Variants in CNTNAP2 observed in about 807,000 individuals in gnomAD.
CNTNAP2 encodes contactin associated protein 2.
CNTNAP2 carries 98 observed loss-of-function variants against 155.2 expected under a neutral mutation model. That is an observed-to-expected ratio of 0.63 (90% confidence interval 0.54 to 0.75). CNTNAP2 has a LOEUF of 0.75. CNTNAP2 is among the 30% of genes least tolerant of loss of function. The probability of loss-of-function intolerance (pLI) is 0.00; values close to 1 mark genes in which losing one functional copy is unlikely to be tolerated. For synonymous variants in CNTNAP2, 651 were observed against 631.2 expected (o/e 1.03, Z -0.47); for missense variants, 1,727 against 1,688.1 (o/e 1.02, Z -0.40).
At chr7:146,442,848 A>C (rs1796339764) in intron 1 of CNTNAP2, among the ~76,000 whole-genome samples, 1 of 152,142 alleles carries the variant, frequency 6.6e-6, no homozygotes, top group African/African-American at 2.4e-5. Flanking sequence ...TGCAGATTTC[A>C]CAGTATTTCC....
At chr7:146,940,487 C>T (rs1797029457) in intron 3 of CNTNAP2, among the ~76,000 whole-genome samples, 1 of 152,022 alleles carries the variant, frequency 6.6e-6, no homozygotes, top group Admixed American at 6.6e-5. Context: ...GCCACCGCAC[C>T]CAGCCCCTTA....
chr7:146,495,165 C>G (rs183031711), intron 1 of CNTNAP2, among the ~76,000 whole-genome samples: 3 of 152,324 alleles, frequency 2.0e-5, no homozygotes, highest in Admixed American at 2.0e-4. Flanking sequence ...GTCAGCTCCT[C>G]TGGGACCCTA....
At chr7:147,990,595 G>C (rs1234276330) in intron 15 of CNTNAP2, among the ~76,000 whole-genome samples, 5 of 152,128 alleles carry the variant, frequency 3.3e-5, no homozygotes, top group African/African-American at 1.2e-4. Context: ...CTTGGGGTTG[G>C]AATGTTTCTG....
At chr7:147,158,840 G>T (rs1052781459) in intron 8 of CNTNAP2, among the ~76,000 whole-genome samples, 2 of 152,010 alleles carry the variant, frequency 1.3e-5, no homozygotes, top group Non-Finnish European at 2.9e-5. Context: ...AATAAAACAG[G>T]CTCCCTGAGC....
intron 13 of CNTNAP2, among the ~76,000 whole-genome samples, chr7:147,894,391 T>C (rs1461575995): frequency 2.6e-5 from 4 of 152,142 alleles, no homozygotes; most frequent in Non-Finnish European, 5.9e-5. Context: ...AATCCTGCAC[T>C]GCAAGGGCCT....
chr7:147,294,722 G>A (rs530516813), intron 8 of CNTNAP2, among the ~76,000 whole-genome samples: 33 of 151,884 alleles, frequency 2.2e-4, no homozygotes, highest in Admixed American at 1.1e-3. Flanking sequence ...GCAGTGACAC[G>A]ATCTCAGCTT....
chr7:147,924,610 C>A (rs1800350793), intron 14 of CNTNAP2, among the ~76,000 whole-genome samples: 1 of 152,146 alleles, frequency 6.6e-6, no homozygotes. Context: ...TCTGATGCTG[C>A]AGCCATGATA....
chr7:146,202,245 G>A (rs1163027478), intron 1 of CNTNAP2, among the ~76,000 whole-genome samples: 2 of 152,092 alleles, frequency 1.3e-5, no homozygotes, highest in African/African-American at 4.8e-5. Context: ...CAGTAACAGT[G>A]TAGAAGAGTT....
intron 21 of CNTNAP2, among the ~76,000 whole-genome samples, chr7:148,361,275 C>T (rs35832058): frequency 0.071 from 10,753 of 152,242 alleles, 624 homozygotes; most frequent in East Asian, 0.26. Flanking sequence ...GAGGCAAATA[C>T]TCAATCTCTC....
intron 5 of CNTNAP2, among the ~76,000 whole-genome samples, chr7:147,117,434 C>A (rs574235047): frequency 1.2e-3 from 184 of 152,212 alleles, no homozygotes; most frequent in African/African-American, 4.4e-3. Flanking sequence ...TAGGCTGTAG[C>A]CCCATCCTGC....
chr7:147,334,769 T>C (rs945970012), intron 9 of CNTNAP2, among the ~76,000 whole-genome samples: 7 of 152,124 alleles, frequency 4.6e-5, no homozygotes, highest in Non-Finnish European at 7.4e-5. Flanking sequence ...ATGCATACCA[T>C]GAATAAGCAT....
intron 10 of CNTNAP2, among the ~76,000 whole-genome samples, chr7:147,465,787 A>G (rs549828845): frequency 1.3e-5 from 2 of 152,312 alleles, no homozygotes; most frequent in Admixed American, 6.5e-5. Context: ...TCAGCAAATC[A>G]TATGCTAATT....
chr7:146,184,399 A>G (rs36018030), intron 1 of CNTNAP2, among the ~76,000 whole-genome samples: 8,057 of 152,262 alleles, frequency 0.053, 249 homozygotes, highest in Middle Eastern at 0.11. Flanking sequence ...ACTCCAAACA[A>G]CAAAAGATTG....
chr7:148,414,089 T>A (rs1461613795), intron 23 of CNTNAP2, among the ~76,000 whole-genome samples: 2 of 102,092 alleles, frequency 2.0e-5, no homozygotes, highest in African/African-American at 8.8e-5. Context: ...TTTTTTTTTT[T>A]TAGACAGAGT....
chr7:147,984,032 C>T (rs376949592), intron 15 of CNTNAP2, among the ~76,000 whole-genome samples: 13 of 152,252 alleles, frequency 8.5e-5, no homozygotes, highest in East Asian at 1.9e-4. Flanking sequence ...GGCAAAGAAA[C>T]ATGTTTGGGT....
intron 3 of CNTNAP2, among the ~76,000 whole-genome samples, chr7:146,846,196 A>G (rs2129201964): frequency 6.6e-6 from 1 of 152,300 alleles, no homozygotes; most frequent in African/African-American, 2.4e-5. Flanking sequence ...TTTCCCCAAA[A>G]GATGAGTATT....
intron 10 of CNTNAP2, among the ~76,000 whole-genome samples, chr7:147,470,794 G>C (rs765301279): frequency 6.6e-6 from 1 of 152,092 alleles, no homozygotes; most frequent in Non-Finnish European, 1.5e-5. Flanking sequence ...AGATGAGGTG[G>C]GGTGGAGGGC....
chr7:147,057,331 C>A (rs550323609), intron 4 of CNTNAP2, among the ~76,000 whole-genome samples: 2 of 152,276 alleles, frequency 1.3e-5, no homozygotes, highest in African/African-American at 4.8e-5. Context: ...TATATCACCT[C>A]ATTTCTTCTA....
chr7:146,276,913 C>T (rs977108735), intron 1 of CNTNAP2, among the ~76,000 whole-genome samples: 3 of 152,094 alleles, frequency 2.0e-5, no homozygotes, highest in African/African-American at 7.2e-5. Context: ...TGAATGGTGG[C>T]CCCCCAAAAG....
Sources: allele counts gnomAD v4.1 joint callset (sites outside exome capture counted in the v4.1 genomes callset), GRCh38; gene constraint gnomAD v4.1.1; transcripts MANE v1.5; gene names NCBI Gene and HGNC (gene_info 2026-07-23, HGNC 2026-07-21).